Variants in STON2 observed in about 807,000 individuals in gnomAD.
STON2 encodes the protein stonin 2, also known as stonin-2.
Under a neutral mutation model 65.7 loss-of-function variants are expected in STON2, and 29 were observed. The ratio of observed to expected loss-of-function variants is 0.44; its 90% CI spans 0.33 to 0.60. The LOEUF (loss-of-function observed/expected upper bound fraction) is 0.60. Ranked by LOEUF, STON2 falls within the 20% of genes least tolerant of loss-of-function variation. The pLI is 0.03. For missense variants in STON2, 1,054 were observed against 1,118.1 expected (o/e 0.94, Z 0.82); for synonymous variants, 404 against 414.2 (o/e 0.98, Z 0.30).
At chr14:81,409,280 C>G (rs10145207) in intron 2 of STON2, among the ~76,000 whole-genome samples, 6 of 151,808 alleles carry the variant, frequency 4.0e-5, no homozygotes, top group African/African-American at 1.5e-4. Context: ...TGGTGTGCGC[C>G]CATAATTCCA....
chr14:81,423,143 GCA>G (rs1446596070), intron 2 of STON2, among the ~76,000 whole-genome samples: 1 of 152,118 alleles, frequency 6.6e-6, no homozygotes, highest in Admixed American at 6.5e-5. Context: ...AAGGTGCGCT[GCA>G]CACTTTTCTT....
chr14:81,362,020 G>C (rs886115098), intron 4 of STON2, among the ~76,000 whole-genome samples: 7 of 152,054 alleles, frequency 4.6e-5, no homozygotes. Flanking sequence ...GGAGAAAAGG[G>C]AACCCTTGTA....
chr14:81,318,327 T>C (rs935475366), intron 5 of STON2, among the ~76,000 whole-genome samples: 1 of 152,124 alleles, frequency 6.6e-6, no homozygotes, highest in African/African-American at 2.4e-5. Context: ...CCCTGCTTAC[T>C]TCCACATCAC....
rs947570911 is a variant in STON2 at position 81,300,426 on chromosome 14, T to C, written c.743-21687A>G. Among the ~76,000 whole-genome samples, 15 of 151,918 alleles carry C rather than the reference T, an allele frequency of 9.9e-5. No homozygotes were observed. The East Asian group carries it at 1.9e-3, about 20-fold the overall frequency. ...GAGGCGCTAACCATAAAAGAAAAAA[T>C]ATAAATAAATTGTACTTCATCAATT... On this transcript the variant is annotated intron_variant, in intron 5 of 7. Coordinates refer to ENST00000614646, the MANE Select transcript of STON2 (RefSeq NM_001394390.1).
upstream of STON2, among the ~76,000 whole-genome samples, chr14:81,402,763 C>T (rs1357500005): frequency 6.6e-6 from 1 of 152,198 alleles, no homozygotes; most frequent in Non-Finnish European, 1.5e-5. Context: ...CTCACGCAGA[C>T]AGTTGCAAGT....
chr14:81,408,136 A>AACACACAC (rs149914558), intron 2 of STON2, among the ~76,000 whole-genome samples: 111 of 149,090 alleles, frequency 7.4e-4, no homozygotes, highest in African/African-American at 2.6e-3. Context: ...TTCACTGAAG[A>AACACACAC]ACACACACAC....
At chr14:81,407,072 G>A (rs551461560) in intron 2 of STON2, among the ~76,000 whole-genome samples, 4 of 152,264 alleles carry the variant, frequency 2.6e-5, no homozygotes, top group Admixed American at 2.6e-4. Flanking sequence ...CGAGTGTCAG[G>A]CTCACCTCAG....
intron 4 of STON2, among the ~76,000 whole-genome samples, chr14:81,369,394 AACC>A (rs1409990785): frequency 6.6e-6 from 1 of 152,196 alleles, no homozygotes; most frequent in Non-Finnish European, 1.5e-5. Flanking sequence ...TCATCACTTG[AACC>A]TCCAAGAATT....
intron 5 of STON2, among the ~76,000 whole-genome samples, chr14:81,289,904 T>C (rs1303518888): frequency 6.6e-6 from 1 of 152,210 alleles, no homozygotes; most frequent in Admixed American, 6.5e-5. Flanking sequence ...CCTGGTTATG[T>C]TGGTGAATAA....
rs115295093 is a variant in STON2 at position 81,282,807 on chromosome 14, A to G, written c.743-4068T>C. Among the ~76,000 whole-genome samples, 1,462 of 152,332 alleles carry G rather than the reference A, an allele frequency of 9.6e-3. 27 individuals are homozygous for G. Among genetic ancestry groups the G allele is most frequent in the African/African-American group, 0.034 (1,407 of 41,578 alleles). The stretch of plus-strand genomic sequence containing the variant: ...GCTTAGCTATAGTCTGTATTGAGAA[A>G]GCAGCAGTTAGATCTTTCCCAAGAC... On this transcript the variant is annotated intron_variant, in intron 5 of 7. Coordinates refer to ENST00000614646, the MANE Select transcript of STON2 (RefSeq NM_001394390.1).
intron 4 of STON2, among the ~76,000 whole-genome samples, chr14:81,336,058 A>G (rs1031820118): frequency 3.9e-5 from 6 of 152,128 alleles, no homozygotes; most frequent in African/African-American, 1.4e-4. Flanking sequence ...TTCCAAGGCT[A>G]TTCTTACAAG....
chr14:81,261,313 T>C lies in STON2; in HGVS notation c.*7101A>G, dbSNP rs1181939461. 6.6e-6 allele frequency: 1 copy of C among 152,246 alleles called. No homozygotes were observed. Among genetic ancestry groups the C allele is most frequent in the Non-Finnish European group, 1.5e-5 (1 of 68,148 alleles). 9.4% of individuals were successfully genotyped at this position (152,246 alleles called of 1,614,324 possible). On this transcript the variant is annotated 3_prime_UTR_variant, in exon 8 of 8. Transcript: ENST00000614646. Reference sequence around the variant, plus strand: ...GGCTAGACAGCATCCCCAACTAGAATTGAGGGTTTGATCTGTGGGGTAACA... The same window carrying C: ...GGCTAGACAGCATCCCCAACTAGAACTGAGGGTTTGATCTGTGGGGTAACA...
chr14:81,396,745 CAA>C (rs202130271), intron 2 of STON2, among the ~76,000 whole-genome samples: 1 of 128,358 alleles, frequency 7.8e-6, no homozygotes, highest in Admixed American at 7.8e-5. Context: ...AAACAGCCTT[CAA>C]AAATTTTTTT....
At chr14:81,327,066 G>A (rs555439982) in intron 4 of STON2, among the ~76,000 whole-genome samples, 8 of 152,174 alleles carry the variant, frequency 5.3e-5, no homozygotes, top group South Asian at 2.1e-4. Context: ...GCTGAGGCAC[G>A]AGAATTGCTT....
At chr14:81,287,997 G>T (rs191555192) in intron 5 of STON2, among the ~76,000 whole-genome samples, 1 of 152,332 alleles carries the variant, frequency 6.6e-6, no homozygotes. Flanking sequence ...CCCAGCAGAG[G>T]TCTCACGCCG....
At chr14:81,325,714 T>C (rs1896982527) in intron 4 of STON2, among the ~76,000 whole-genome samples, 2 of 152,154 alleles carry the variant, frequency 1.3e-5, no homozygotes, top group African/African-American at 4.8e-5. Flanking sequence ...AATGATACAT[T>C]TGAGATTTTC....
intron 3 of STON2, among the ~76,000 whole-genome samples, chr14:81,392,817 T>A (rs539800462): frequency 7.2e-5 from 11 of 152,292 alleles, no homozygotes; most frequent in Non-Finnish European, 1.6e-4. Flanking sequence ...TTTAAGAAAT[T>A]AATAATTTTT....
intron 3 of STON2, among the ~76,000 whole-genome samples, chr14:81,371,644 A>G (rs1247754968): frequency 6.6e-6 from 1 of 150,534 alleles, no homozygotes; most frequent in Non-Finnish European, 1.5e-5. Context: ...GCAGCACTCC[A>G]GCCTGGACAA....
chr14:81,315,451 A>G (rs7146488), intron 5 of STON2, among the ~76,000 whole-genome samples: 119,800 of 152,208 alleles, frequency 0.79, 47,296 homozygotes, highest in African/African-American at 0.8. Context: ...AAACATCATA[A>G]AAAAAACAGT....
Sources: allele counts gnomAD v4.1 joint callset (sites outside exome capture counted in the v4.1 genomes callset), GRCh38; gene constraint gnomAD v4.1.1; transcripts MANE v1.5; gene names NCBI Gene and HGNC (gene_info 2026-07-23, HGNC 2026-07-21).